Variants in ABAT observed in about 807,000 individuals in gnomAD.
ABAT encodes the protein 4-aminobutyrate aminotransferase, also known as 4-aminobutyrate aminotransferase, mitochondrial.
ABAT carries 45 observed loss-of-function variants against 64.6 expected under a neutral mutation model. That is an observed-to-expected ratio of 0.70 (90% CI 0.55 to 0.89). ABAT has a LOEUF of 0.89. ABAT is among the 40% of genes least tolerant of loss of function. The probability of loss-of-function intolerance (pLI) is 0.00; values close to 1 mark genes in which losing one functional copy is unlikely to be tolerated. For missense variants in ABAT, 633 were observed against 658.4 expected (o/e 0.96, Z 0.42); for synonymous variants, 297 against 250.5 (o/e 1.19, Z -1.75).
chr16:8,693,936 C>G (rs947558302), intron 1 of ABAT, among the ~76,000 whole-genome samples: 1 of 152,212 alleles, frequency 6.6e-6, no homozygotes, highest in Non-Finnish European at 1.5e-5. Flanking sequence ...ACGGCACCAT[C>G]TTACTAACCC....
At chr16:8,743,326 G>C (rs890946990) in intron 2 of ABAT, among the ~76,000 whole-genome samples, 1 of 131,692 alleles carries the variant, frequency 7.6e-6, no homozygotes, top group Non-Finnish European at 1.5e-5. Flanking sequence ...CTCTGTGTGT[G>C]TGTGTGTGTG....
At chr16:8,729,943 A>G (rs1289746305) in intron 1 of ABAT, among the ~76,000 whole-genome samples, 8 of 151,854 alleles carry the variant, frequency 5.3e-5, no homozygotes, top group Admixed American at 2.6e-4. Flanking sequence ...GGCCAGGTCT[A>G]TGCCCCCGCA....
In ABAT at chr16:8,746,649, G is replaced by A. The variant is rs1306469125; in HGVS notation, c.168+551G>A. Among the ~76,000 whole-genome samples, 12 of 151,816 alleles carry A rather than the reference G, an allele frequency of 7.9e-5. No homozygotes were observed. In the South Asian group the frequency reaches 2.3e-3, roughly 29 times the overall value. On this transcript the variant is annotated intron_variant, in intron 3 of 15. Transcript: ENST00000268251. ...ACCCGCGTCAACCTCTCAAAGTGTT[G>A]GGATTACAGGCGAGATGGTGCCTCT...
At chr16:8,688,873 C>T (rs572622520) in intron 1 of ABAT, among the ~76,000 whole-genome samples, 2 of 152,298 alleles carry the variant, frequency 1.3e-5, no homozygotes, top group South Asian at 2.1e-4. Context: ...GTCAGGAGTT[C>T]GAGACCAGCC....
At position 8,768,207 on chromosome 16, in the gene ABAT, C is replaced by G. The variant is rs373357773; in HGVS notation, c.618C>G (p.Pro206=). The G allele has an allele frequency of 1.2e-6, 2 of 1,614,066 alleles. No individual in the cohort carries two copies. The highest frequency in any genetic ancestry group is 2.2e-5 in the East Asian group (1 of 44,882). The change falls in exon 10 of 16, where the codon CCC becomes CCG. Residue 206 remains proline, a synonymous_variant. Transcript: ENST00000268251. Reference sequence around the variant, plus strand: ...CTTGGTTTTAGGCCCCTGGCTGCCCCGACTACAGCATCCTCTCCTTCATGG... The same window carrying G: ...CTTGGTTTTAGGCCCCTGGCTGCCCGGACTACAGCATCCTCTCCTTCATGG... ...TCMINQAPGC[P]DYSILSFMGA... is the part of the protein sequence containing the mutation.
chr16:8,726,542 A>G (rs1440821698), intron 1 of ABAT, among the ~76,000 whole-genome samples: 1 of 152,136 alleles, frequency 6.6e-6, no homozygotes, highest in African/African-American at 2.4e-5. Context: ...ACTGCGCTGA[A>G]TAGTACTCCA....
At chr16:8,734,435 C>G (rs2058851524) in intron 1 of ABAT, among the ~76,000 whole-genome samples, 1 of 152,102 alleles carries the variant, frequency 6.6e-6, no homozygotes, top group South Asian at 2.1e-4. Flanking sequence ...AGTGTTTGGG[C>G]TAAGTGTTGC....
chr16:8,680,880 C>T (rs1300489643), intron 1 of ABAT, among the ~76,000 whole-genome samples: 1 of 152,156 alleles, frequency 6.6e-6, no homozygotes. Flanking sequence ...GAAATGTCTA[C>T]TCAAGTTCTT....
At chr16:8,762,343 C>T (rs2059822499) in intron 6 of ABAT, among the ~76,000 whole-genome samples, 1 of 152,220 alleles carries the variant, frequency 6.6e-6, no homozygotes, top group Non-Finnish European at 1.5e-5. Context: ...CTGCATAACT[C>T]TTCCTTTGAG....
intron 14 of ABAT, among the ~76,000 whole-genome samples, chr16:8,778,414 T>G (rs2060329695): frequency 6.6e-6 from 1 of 152,164 alleles, no homozygotes; most frequent in African/African-American, 2.4e-5. Context: ...ACTCTGCTTC[T>G]GGCGTCACTT....
chr16:8,701,794 G>T (rs1178763669), intron 1 of ABAT, among the ~76,000 whole-genome samples: 1 of 152,202 alleles, frequency 6.6e-6, no homozygotes, highest in Non-Finnish European at 1.5e-5. Context: ...ACCTGAGGAA[G>T]ACAGGGCGGG....
Position 8,782,825 on chromosome 16 carries a change from C to T in ABAT, c.*1395C>T, listed in dbSNP as rs1314446755. On this transcript the variant is annotated 3_prime_UTR_variant, in exon 16 of 16. Coordinates refer to ENST00000268251, the MANE Select transcript of ABAT (RefSeq NM_020686.6). ...GTATTATCTGTCCAAAAGGAAGCCT[C>T]TTCATCTCCCGGTGCCTTGGTTGAC... is the stretch of plus-strand genomic sequence containing the variant. The T allele has an allele frequency of 6.6e-6, 1 of 152,144 alleles. No homozygotes were observed. Among genetic ancestry groups the T allele is most frequent in the African/African-American group, 2.4e-5 (1 of 41,436 alleles). The allele number at this position is 152,144 out of a possible 1,614,324, so 9.4% of individuals were successfully genotyped here.
In ABAT at chr16:8,764,064, T is replaced by G; in HGVS notation, c.367-5T>G. 1.2e-6 allele frequency: 2 copies of G among 1,613,788 alleles called. No individual in the cohort carries two copies. The highest frequency in any genetic ancestry group is 8.5e-7 in the Non-Finnish European group (1 of 1,179,920). ...AGTCACCATTTGTCTCTTGCCCTTTTGCAGAGCATGTTTGTCAACAGACCC... is the reference window on the plus strand; with the variant it reads ...AGTCACCATTTGTCTCTTGCCCTTTGGCAGAGCATGTTTGTCAACAGACCC... On this transcript the variant is annotated splice_region_variant and splice_polypyrimidine_tract_variant and intron_variant, in intron 6 of 15. Coordinates refer to ENST00000268251, the MANE Select transcript of ABAT (RefSeq NM_020686.6). The surrounding 1 kb of genome is among the most constrained non-coding windows in gnomAD (Gnocchi z 4.2).
At chr16:8,705,508 T>C (rs1244511172) in intron 1 of ABAT, 1 of 152,118 alleles carries the variant, frequency 6.6e-6, no homozygotes, top group Admixed American at 6.5e-5. Context: ...TTAAAAGAGC[T>C]ATAACACTGA....
At chr16:8,762,240 C>G (rs1260375409) in intron 6 of ABAT, among the ~76,000 whole-genome samples, 3 of 152,248 alleles carry the variant, frequency 2.0e-5, no homozygotes, top group African/African-American at 7.2e-5. Flanking sequence ...ATGGACATTG[C>G]ATGTGCACAG....
chr16:8,776,618 C>A lies in ABAT; in HGVS notation c.1269+128C>A. The A allele has an allele frequency of 9.7e-7, 1 of 1,035,770 alleles. No individual in the cohort carries two copies. Among genetic ancestry groups the A allele is most frequent in the Non-Finnish European group, 1.4e-6 (1 of 694,610 alleles). 64.2% of individuals were successfully genotyped at this position (1,035,770 alleles called of 1,614,324 possible). A position where few individuals can be genotyped will look rare whatever the true frequency, so the allele number is the denominator to read the frequency against. On this transcript the variant is annotated intron_variant, in intron 14 of 15. Transcript: ENST00000268251. This position sits in a 1 kb window ranked among gnomAD's most constrained non-coding sequence, Gnocchi z 4.4. ...CAGCAGTTCGTAACGGGCTGTGCTG[C>A]TCCTAGCCTTGGGGGCTTTGCACAT...
chr16:8,750,321 T>C (rs1360773660), intron 4 of ABAT, 101 bp from the exon 5 acceptor site: 4 of 1,025,076 alleles, frequency 3.9e-6, no homozygotes, highest in Non-Finnish European at 6.2e-6. Context: ...TGTCCACAGA[T>C]AGTCACGATA....
chr16:8,743,482 A>G (rs1349954943), intron 2 of ABAT, among the ~76,000 whole-genome samples: 5 of 132,770 alleles, frequency 3.8e-5, no homozygotes, highest in Non-Finnish European at 1.6e-5. Flanking sequence ...TATATATTTT[A>G]GTTATAATGT....
rs886043117 is a variant in ABAT at position 8,772,896 on chromosome 16, G to C, written c.933G>C (p.Lys311Asn). Residue 311 changes from lysine (K) to asparagine (N), a missense_variant, in exon 12 of 16, where the codon AAG becomes AAC. Physicochemically the swap from Lys to Asn is moderately conservative, Grantham distance 94. Coordinates refer to ENST00000268251, the MANE Select transcript of ABAT (RefSeq NM_020686.6). ...DNHASDDFFRKLRDIARKHGC... is the reference protein window; with the variant it reads ...DNHASDDFFRNLRDIARKHGC... Reference sequence around the variant, plus strand: ...ACGCATCCGATGACTTCTTTCGGAAGCTGAGAGACATCGCCAGGAAGGTCA... The same window carrying C: ...ACGCATCCGATGACTTCTTTCGGAACCTGAGAGACATCGCCAGGAAGGTCA... 2.5e-6 allele frequency: 4 copies of C among 1,614,004 alleles called. No homozygotes were observed. The highest frequency in any genetic ancestry group is 2.2e-5 in the East Asian group (1 of 44,878).
Sources: allele counts gnomAD v4.1 joint callset (sites outside exome capture counted in the v4.1 genomes callset), GRCh38; gene constraint gnomAD v4.1.1; non-coding constraint Gnocchi (gnomAD v3.1); transcripts MANE v1.5; gene names NCBI Gene and HGNC (gene_info 2026-07-23, HGNC 2026-07-21).